The following FBXO9 variants were observed in gnomAD, a reference collection of about 807,000 sequenced individuals.
FBXO9 encodes the protein F-box protein 9, also known as F-box only protein 9.
FBXO9 carries 43 observed loss-of-function variants against 63.7 expected under a neutral mutation model. The observed-to-expected ratio is 0.67, with a 90% CI of 0.53 to 0.87. The LOEUF (loss-of-function observed/expected upper bound fraction) is 0.87. FBXO9 is among the 40% of genes least tolerant of loss of function. The pLI is 0.00. For missense variants in FBXO9, 442 were observed against 533.2 expected (o/e 0.83, Z 1.68); for synonymous variants, 156 against 171.7 (o/e 0.91, Z 0.72).
chr6:53,091,685 A>G (rs1445364871), intron 7 of FBXO9: 4 of 152,302 alleles, frequency 2.6e-5, no homozygotes, highest in African/African-American at 9.7e-5. Context: ...AATTTTTTAA[A>G]CAAAGTCCTG....
At chr6:53,073,327 T>C (rs1416446639) in intron 2 of FBXO9, among the ~76,000 whole-genome samples, 154 bp from the exon 3 acceptor site, 2 of 152,276 alleles carry the variant, frequency 1.3e-5, no homozygotes, top group Non-Finnish European at 2.9e-5. Flanking sequence ...AAGATGTATT[T>C]AATGGATATT....
intron 12 of FBXO9, 135 bp downstream of exon 12, chr6:53,095,799 CT>C: frequency 1.3e-6 from 1 of 792,928 alleles, no homozygotes; most frequent in Non-Finnish European, 1.8e-6. Context: ...CTACTACAAA[CT>C]ACTACAAACC....
chr6:53,079,733 CTATTA>C (rs955657027), intron 5 of FBXO9, among the ~76,000 whole-genome samples: 29 of 152,016 alleles, frequency 1.9e-4, no homozygotes, highest in Non-Finnish European at 8.8e-5. Flanking sequence ...ATTATATTAG[CTATTA>C]TATTAATATA....
intron 7 of FBXO9, among the ~76,000 whole-genome samples, chr6:53,089,504 A>G (rs1762987158): frequency 1.3e-5 from 2 of 152,244 alleles, no homozygotes. Context: ...AAGAACATTC[A>G]CAAATATTTT....
At position 53,072,221 on chromosome 6, in the gene FBXO9, A is replaced by T. The variant is rs530940734; in HGVS notation, c.90+1078A>T. ...AAACATTCTAGATACGTCTTTTTTTAAAAAAAAAAAAGGAAGCCAGGAATA... is the reference window on the plus strand; with the variant it reads ...AAACATTCTAGATACGTCTTTTTTTTAAAAAAAAAAAGGAAGCCAGGAATA... On this transcript the variant is annotated intron_variant, in intron 2 of 12. Transcript: ENST00000323557. Among the ~76,000 whole-genome samples the T allele has an allele frequency of 1.9e-3, 238 of 127,096 alleles. 1 individual carries two copies. Among genetic ancestry groups the T allele is most frequent in the Middle Eastern group, 9.1e-3 (2 of 220 alleles). The allele number at this position is 127,096 out of a possible 152,430, so 83.4% of individuals were successfully genotyped here.
Position 53,065,648 on chromosome 6 carries a change from G to A in FBXO9, c.-142G>A. On this transcript the variant is annotated 5_prime_UTR_variant, in exon 1 of 13. Coordinates refer to ENST00000323557, the MANE Select transcript of FBXO9 (RefSeq NM_033480.3). ...CGCAGTTATTGCCGCTGCCTGGTGCGCTTCTCCGACCGAGAACTCTGCTAA... is the reference window on the plus strand; with the variant it reads ...CGCAGTTATTGCCGCTGCCTGGTGCACTTCTCCGACCGAGAACTCTGCTAA... 9.8e-7 allele frequency: 1 copy of A among 1,016,174 alleles called. No individual in the cohort carries two copies. Among genetic ancestry groups the A allele is most frequent in the Non-Finnish European group, 1.3e-6 (1 of 772,336 alleles). The allele number at this position is 1,016,174 out of a possible 1,614,324, so 62.9% of individuals were successfully genotyped here.
At chr6:53,093,350 G>A (rs780754481) in intron 9 of FBXO9, 116 bp from the exon 10 acceptor site, 12 of 600,402 alleles carry the variant, frequency 2.0e-5, no homozygotes, top group African/African-American at 3.8e-5. Flanking sequence ...TCTTTAGCCC[G>A]TGGTATTTCA....
chr6:53,070,937 G>T (rs961450230), intron 1 of FBXO9, 120 bp from the exon 2 acceptor site: 4 of 1,473,040 alleles, frequency 2.7e-6, no homozygotes, highest in Non-Finnish European at 3.6e-6. Context: ...ACTCAAAGTG[G>T]GTTCCACAAA....
intron 1 of FBXO9, among the ~76,000 whole-genome samples, chr6:53,069,195 C>T (rs1768820830): frequency 6.6e-6 from 1 of 152,122 alleles, no homozygotes; most frequent in Non-Finnish European, 1.5e-5. Flanking sequence ...TTTTTAGCCA[C>T]CTAACAATAC....
chr6:53,080,532 G>T (rs1769274506), intron 5 of FBXO9, among the ~76,000 whole-genome samples: 1 of 152,132 alleles, frequency 6.6e-6, no homozygotes. Flanking sequence ...CTAAAGGTAG[G>T]CTGATAAGGC....
In FBXO9 at chr6:53,081,118, A is replaced by G. The variant is rs780775553; in HGVS notation, c.538+20A>G. On this transcript the variant is annotated intron_variant, in intron 6 of 12. Transcript: ENST00000323557. ...TATCAGGTGTGAATACTTGTTTTTC[A>G]TAACTCAGTGAGAAATATCTTAACC... is the stretch of plus-strand genomic sequence containing the variant. The G allele has an allele frequency of 3.1e-5, 49 of 1,595,176 alleles. No individual in the cohort carries two copies. Among genetic ancestry groups the G allele is most frequent in the Non-Finnish European group, 4.0e-5 (47 of 1,175,282 alleles).
intron 4 of FBXO9, among the ~76,000 whole-genome samples, chr6:53,078,542 C>T (rs1362829584): frequency 6.6e-6 from 1 of 151,942 alleles, no homozygotes; most frequent in African/African-American, 2.4e-5. Context: ...AATCATGATA[C>T]GTAAGAGGGT....
chr6:53,087,537 A>G (rs1311820188), intron 7 of FBXO9, among the ~76,000 whole-genome samples: 5 of 152,086 alleles, frequency 3.3e-5, no homozygotes, highest in Non-Finnish European at 7.4e-5. Context: ...CCTGCAAATC[A>G]TGTGCAGGAG....
intron 7 of FBXO9, among the ~76,000 whole-genome samples, chr6:53,083,985 C>T (rs762502373): frequency 3.3e-5 from 5 of 152,172 alleles, no homozygotes; most frequent in Admixed American, 1.3e-4. Flanking sequence ...CAAGAAGGGA[C>T]GTCTGAAGGG....
At chr6:53,082,043 T>C (rs1769332529) in intron 6 of FBXO9, among the ~76,000 whole-genome samples, 1 of 152,092 alleles carries the variant, frequency 6.6e-6, no homozygotes, top group African/African-American at 2.4e-5. Context: ...CACTCCAGCC[T>C]GGGCAACAGA....
chr6:53,082,290 G>A (rs1045237405), intron 6 of FBXO9, among the ~76,000 whole-genome samples: 2 of 152,258 alleles, frequency 1.3e-5, no homozygotes, highest in South Asian at 2.1e-4. Context: ...ATAAAAAGTA[G>A]CTTCAGATCT....
At position 53,066,441 on chromosome 6, in the gene FBXO9, A is replaced by G. The variant is rs140450539; in HGVS notation, c.3+649A>G. Among the ~76,000 whole-genome samples, 508 of 152,356 alleles carry G rather than the reference A, an allele frequency of 3.3e-3. 2 individuals are homozygous for G. Among genetic ancestry groups the G allele is most frequent in the Middle Eastern group, 0.014 (4 of 294 alleles). On this transcript the variant is annotated intron_variant, in intron 1 of 12. Transcript: ENST00000323557. ...AGTGCAGATTCCATGAGACTGTTCC[A>G]TATTGGAATACGTAGTCTCTGCCCT...
Position 53,092,482 on chromosome 6 carries a change from T to TTAAA in FBXO9, c.708_711dup (p.Leu238Ter). Reference sequence around the variant, plus strand: ...TTGAAAGTTTGGGGCAGAAGCTGTATTAAACTTGTTCCGTACACGTCCTGG... The same window carrying TTAAA: ...TTGAAAGTTTGGGGCAGAAGCTGTATTAAATAAACTTGTTCCGTACACGTCCTGG... On this transcript the variant is annotated frameshift_variant, in exon 8 of 13. Transcript: ENST00000323557. LOFTEE classifies it high-confidence loss of function. 1 of 1,614,026 alleles carries TTAAA rather than the reference T, an allele frequency of 6.2e-7. No homozygotes were observed. Among genetic ancestry groups the TTAAA allele is most frequent in the East Asian group, 2.2e-5 (1 of 44,872 alleles).
chr6:53,064,999 T>A (rs1166856642), upstream of FBXO9: 2 of 152,316 alleles, frequency 1.3e-5, no homozygotes, highest in Non-Finnish European at 2.9e-5. Context: ...TTCCTCAATC[T>A]CCAGTCTGTC....
Sources: allele counts gnomAD v4.1 joint callset (sites outside exome capture counted in the v4.1 genomes callset), GRCh38; gene constraint gnomAD v4.1.1; transcripts MANE v1.5; gene names NCBI Gene and HGNC (gene_info 2026-07-23, HGNC 2026-07-21).